The following TOP6BL variants were observed in gnomAD, a reference collection of about 807,000 sequenced individuals.
The protein encoded by TOP6BL is TOP6B like initiator of meiotic double strand breaks, also known as type 2 DNA topoisomerase 6 subunit B-like.
chr11:66,807,646 G>C, the TOP6BL span, among the ~76,000 whole-genome samples: 2 of 152,160 alleles, frequency 1.3e-5, no homozygotes, highest in Non-Finnish European at 2.9e-5. Context: ...TCTGTGCCAT[G>C]ATTTAGGAGA....
chr11:66,786,084 A>G, the TOP6BL span, among the ~76,000 whole-genome samples: 1 of 152,180 alleles, frequency 6.6e-6, no homozygotes, highest in Non-Finnish European at 1.5e-5. Context: ...AGATCACTTG[A>G]GGCCAAGAGT....
At chr11:66,769,544 A>G in the TOP6BL span, among the ~76,000 whole-genome samples, 2 of 151,896 alleles carry the variant, frequency 1.3e-5, no homozygotes, top group Non-Finnish European at 2.9e-5. Context: ...TCTAGTATCC[A>G]GTGTACATAT....
the TOP6BL span, among the ~76,000 whole-genome samples, chr11:66,748,733 T>C: frequency 6.6e-6 from 1 of 152,182 alleles, no homozygotes; most frequent in Non-Finnish European, 1.5e-5. Context: ...ATAGATTATT[T>C]ATTTTACTGG....
At chr11:66,767,778 A>G in the TOP6BL span, among the ~76,000 whole-genome samples, 3 of 151,536 alleles carry the variant, frequency 2.0e-5, no homozygotes, top group Non-Finnish European at 4.4e-5. Flanking sequence ...TGTCAGGGAG[A>G]CTTTTTTGTT....
At chr11:66,760,606 T>C in the TOP6BL span, among the ~76,000 whole-genome samples, 3 of 110,778 alleles carry the variant, frequency 2.7e-5, no homozygotes, top group Non-Finnish European at 5.0e-5. Flanking sequence ...CCTAGCACCA[T>C]CACGAGACCC....
the TOP6BL span, among the ~76,000 whole-genome samples, chr11:66,777,041 C>T: frequency 6.8e-6 from 1 of 146,288 alleles, no homozygotes; most frequent in African/African-American, 2.5e-5. Flanking sequence ...CTGTTGTAAT[C>T]ACTATATCTA....
chr11:66,802,631 T>C, the TOP6BL span, among the ~76,000 whole-genome samples: 2 of 152,162 alleles, frequency 1.3e-5, no homozygotes, highest in African/African-American at 4.8e-5. Context: ...TTTCTGCCTC[T>C]ATTTATGTGC....
At chr11:66,826,428 T>C in the TOP6BL span, among the ~76,000 whole-genome samples, 50 of 152,314 alleles carry the variant, frequency 3.3e-4, no homozygotes, top group Middle Eastern at 0.01. Flanking sequence ...AGTTAATACC[T>C]TTATGTAATA....
the TOP6BL span, among the ~76,000 whole-genome samples, chr11:66,832,293 AG>A: frequency 2.0e-5 from 3 of 151,938 alleles, no homozygotes; most frequent in Non-Finnish European, 2.9e-5. Context: ...GTAAAGACGG[AG>A]TTTCACTGTG....
the TOP6BL span, among the ~76,000 whole-genome samples, chr11:66,787,810 A>G: frequency 1.3e-5 from 2 of 151,972 alleles, no homozygotes; most frequent in Non-Finnish European, 2.9e-5. Context: ...ACTTGTGTTT[A>G]TTACATAATG....
At chr11:66,754,419 C>G in the TOP6BL span, among the ~76,000 whole-genome samples, 131 of 152,102 alleles carry the variant, frequency 8.6e-4, no homozygotes, top group African/African-American at 3.1e-3. Flanking sequence ...TTAAAGTTTT[C>G]TTTTCTCCAC....
At chr11:66,809,135 G>A in the TOP6BL span, among the ~76,000 whole-genome samples, 5 of 152,130 alleles carry the variant, frequency 3.3e-5, no homozygotes, top group African/African-American at 4.8e-5. Flanking sequence ...TAGTAGAGAC[G>A]GGGTTTCACC....
chr11:66,824,424 TTATTATTA>T, the TOP6BL span, among the ~76,000 whole-genome samples: 11 of 45,300 alleles, frequency 2.4e-4, no homozygotes, highest in African/African-American at 1.1e-3. Flanking sequence ...TTTGTATTTA[TTATTATTA>T]TTATTATTAT....
At chr11:66,843,397 G>C in the TOP6BL span, 23 of 1,428,012 alleles carry the variant, frequency 1.6e-5, no homozygotes, top group Non-Finnish European at 1.7e-5. Context: ...GCCGCGGCCT[G>C]ACGTCACCCA....
the TOP6BL span, among the ~76,000 whole-genome samples, chr11:66,841,367 C>T: frequency 4.6e-5 from 7 of 152,056 alleles, no homozygotes; most frequent in Admixed American, 6.5e-5. Context: ...CTGCCCGCCT[C>T]GGCCCCCCAA....
At chr11:66,775,133 AAAG>A in the TOP6BL span, among the ~76,000 whole-genome samples, 3 of 151,368 alleles carry the variant, frequency 2.0e-5, no homozygotes, top group Non-Finnish European at 2.9e-5. Flanking sequence ...AAAAAAAAAA[AAAG>A]CTCCACAAAA....
the TOP6BL span, chr11:66,796,017 A>AAAT: frequency 3.0e-6 from 1 of 328,362 alleles, no homozygotes; most frequent in East Asian, 4.9e-5. Context: ...TTGTCCCCAA[A>AAAT]GGTGGTTTTG....
the TOP6BL span, among the ~76,000 whole-genome samples, chr11:66,815,360 G>A: frequency 1.3e-5 from 2 of 152,182 alleles, no homozygotes; most frequent in African/African-American, 4.8e-5. Context: ...TCCACATGGA[G>A]GTACTTCTCT....
the TOP6BL span, among the ~76,000 whole-genome samples, chr11:66,811,317 G>A: frequency 4.6e-5 from 7 of 152,082 alleles, no homozygotes; most frequent in East Asian, 1.2e-3. Flanking sequence ...TCAGCCTCCC[G>A]AGTAGCTGGG....
Sources: gnomAD v4.1 joint callset for allele counts (sites outside exome capture counted in the v4.1 genomes callset) on GRCh38, gnomAD v4.1.1 for gene constraint, MANE v1.5 for transcripts, NCBI Gene and HGNC (gene_info 2026-07-23, HGNC 2026-07-21) for gene names.